MDN1: variants seen among roughly 807,000 people sequenced by gnomAD.
MDN1 encodes midasin.
A neutral mutation model predicts 669.2 loss-of-function variants in MDN1; 266 were observed. That is an observed-to-expected ratio of 0.40 (90% CI 0.36 to 0.44). The LOEUF is 0.44. Among genes scored for constraint, MDN1 ranks in the 20% least tolerant of loss-of-function variants. The pLI is 1.00. For missense variants in MDN1, 5,940 were observed against 6,754.0 expected, an observed-to-expected ratio of 0.88 and a Z score of 4.22; for synonymous variants, 2,385 against 2,457.1, an observed-to-expected ratio of 0.97 and a Z score of 0.87.
intron 100 of MDN1, 144 bp from the exon 101 acceptor site, chr6:89,645,301 G>T: frequency 1.2e-6 from 1 of 845,858 alleles, no homozygotes; most frequent in Non-Finnish European, 1.7e-6. Flanking sequence ...TGAATTCTGG[G>T]CACAAACCTA....
intron 44 of MDN1, among the ~76,000 whole-genome samples, chr6:89,716,301 T>C (rs1814365191): frequency 6.6e-6 from 1 of 152,218 alleles, no homozygotes; most frequent in Non-Finnish European, 1.5e-5. Context: ...CTGCCCTGTG[T>C]CAGACCCTGC....
intron 40 of MDN1, 46 bp downstream of exon 40, chr6:89,722,909 C>G (rs1414698643): frequency 6.6e-7 from 1 of 1,525,448 alleles, no homozygotes; most frequent in Non-Finnish European, 8.9e-7. Context: ...CACAGGAAAT[C>G]AACTTTCAGA....
chr6:89,751,313 G>A (rs1816933776), intron 23 of MDN1, 118 bp downstream of exon 23: 1 of 1,275,504 alleles, frequency 7.8e-7, no homozygotes, highest in Admixed American at 2.6e-5. Flanking sequence ...GTAAGTAATT[G>A]TTCAGTTGGC....
At position 89,793,856 on chromosome 6, in the gene MDN1, A is replaced by G. The variant is rs1819415749; in HGVS notation, c.761T>C (p.Leu254Ser). Residue 254 changes from leucine to serine, a missense_variant, in exon 5 of 102, where the codon TTA becomes TCA. Leu to Ser is a moderately radical substitution (Grantham distance 145). This residue lies in a region of MDN1 where 1,203 missense variants were observed against 1,268.9 expected (regional missense o/e 0.95). Transcript: ENST00000369393. ...LWRKQKELQYLQGHLVSSDLS... is the reference protein window; with the variant it reads ...LWRKQKELQYSQGHLVSSDLS... ...GTCAGACGAAACAAGATGTCCCTGT[A>G]AGTACTGCAGCTCCTTCTGCTTACG... 1 of 1,614,040 alleles carries G rather than the reference A, an allele frequency of 6.2e-7. No individual in the cohort carries two copies. Among genetic ancestry groups the G allele is most frequent in the Non-Finnish European group, 8.5e-7 (1 of 1,180,014 alleles).
At chr6:89,801,207 C>T (rs186992300) in intron 2 of MDN1, among the ~76,000 whole-genome samples, 140 of 152,096 alleles carry the variant, frequency 9.2e-4, no homozygotes, top group African/African-American at 3.3e-3. Context: ...ACCAGCCTGG[C>T]CAACATGGTG....
At position 89,740,224 on chromosome 6, in the gene MDN1, A is replaced by G. The variant is rs2128316759; in HGVS notation, c.4593+10T>C. 6.2e-7 allele frequency: 1 copy of G among 1,610,696 alleles called. No homozygotes were observed. Among genetic ancestry groups the G allele is most frequent in the East Asian group, 2.2e-5 (1 of 44,550 alleles). ...ACCTAGAAAGAAAATGTGCATCAGTAAAGTTTTACCTCCTTTTTTCCAAAG... is the reference window on the plus strand; with the variant it reads ...ACCTAGAAAGAAAATGTGCATCAGTGAAGTTTTACCTCCTTTTTTCCAAAG... On this transcript the variant is annotated intron_variant, in intron 32 of 101. Coordinates refer to ENST00000369393, the MANE Select transcript of MDN1 (RefSeq NM_014611.3).
At chr6:89,774,312 A>G (rs925302630) in intron 13 of MDN1, among the ~76,000 whole-genome samples, 2 of 152,232 alleles carry the variant, frequency 1.3e-5, no homozygotes, top group Non-Finnish European at 2.9e-5. Flanking sequence ...CTAGGAATTT[A>G]CAGACTAATG....
At chr6:89,801,483 T>C (rs1767655220) in intron 2 of MDN1, among the ~76,000 whole-genome samples, 1 of 152,120 alleles carries the variant, frequency 6.6e-6, no homozygotes, top group Non-Finnish European at 1.5e-5. Context: ...AAATCCCATC[T>C]CTACTAAAAA....
intron 12 of MDN1, 53 bp downstream of exon 12, chr6:89,776,547 G>A (rs1044822689): frequency 7.1e-7 from 1 of 1,398,616 alleles, no homozygotes; most frequent in Non-Finnish European, 1.0e-6. Flanking sequence ...AAGCAAGCAA[G>A]CAAAAAATCC....
Position 89,690,658 on chromosome 6 carries a change from C to T in MDN1, c.10749+15G>A, listed in dbSNP as rs758937560. On this transcript the variant is annotated intron_variant, in intron 64 of 101. Transcript: ENST00000369393. ...GGAATTCATTCCAAAACACACCCTGCCATCACTGCTCTACCTTTTCATGCA... is the reference window on the plus strand; with the variant it reads ...GGAATTCATTCCAAAACACACCCTGTCATCACTGCTCTACCTTTTCATGCA... The T allele has an allele frequency of 6.2e-7, 1 of 1,613,460 alleles. No homozygotes were observed. Among genetic ancestry groups the T allele is most frequent in the South Asian group, 1.1e-5 (1 of 90,936 alleles).
At chr6:89,675,300 G>T in intron 78 of MDN1, 164 bp downstream of exon 78, 1 of 605,492 alleles carries the variant, frequency 1.7e-6, no homozygotes, top group Non-Finnish European at 2.9e-6. Flanking sequence ...ATCACTGAAA[G>T]CAAGGGGCAG....
At position 89,794,547 on chromosome 6, in the gene MDN1, G is replaced by T; in HGVS notation, c.554+30C>A. ...CATGCCCTGTACCATCCCCACACTA[G>T]AAGTGCAAAAAAGTCTAACAGCTAC... On this transcript the variant is annotated intron_variant, in intron 3 of 101. Transcript: ENST00000369393. 1.3e-6 allele frequency: 2 copies of T among 1,596,120 alleles called. 1 individual carries two copies. The highest frequency in any genetic ancestry group is 2.2e-5 in the South Asian group (2 of 90,656).
chr6:89,804,246 T>C (rs1240808724), intron 1 of MDN1, among the ~76,000 whole-genome samples: 2 of 152,102 alleles, frequency 1.3e-5, no homozygotes, highest in African/African-American at 4.8e-5. Context: ...TTTGCACTGC[T>C]GTAGAAAAGC....
chr6:89,718,239 C>T (rs2128313073), intron 43 of MDN1, 127 bp downstream of exon 43: 1 of 1,110,636 alleles, frequency 9.0e-7, no homozygotes, highest in South Asian at 1.6e-5. Context: ...CTAGGTCAAA[C>T]TTTCCCACAA....
At position 89,678,590 on chromosome 6, in the gene MDN1, G is replaced by A. The variant is rs750004264; in HGVS notation, c.12412+9C>T. On this transcript the variant is annotated intron_variant, in intron 75 of 101. Transcript: ENST00000369393. Reference sequence around the variant, plus strand: ...CTACATTTCATTGGGTTTCAAGTGAGAACCTTACCAATTTTTGCAAGGTGT... The same window carrying A: ...CTACATTTCATTGGGTTTCAAGTGAAAACCTTACCAATTTTTGCAAGGTGT... 2 of 1,613,124 alleles carry A rather than the reference G, an allele frequency of 1.2e-6. No homozygotes were observed. Among genetic ancestry groups the A allele is most frequent in the South Asian group, 2.2e-5 (2 of 90,856 alleles).
chr6:89,722,961 T>G lies in MDN1; in HGVS notation c.5961A>C (p.Lys1987Asn). ...YGERMRTEED[K>N]KKVIAVFKDV... ...TACCAAGCGTGAAACTCACCTTTTT[T>G]TTGTCCTCTTCGGTTCTCATTCTTT... Residue 1987 changes from lysine (K) to asparagine (N), a missense_variant, in exon 40 of 102, where the codon AAA becomes AAC. This residue lies in a region of MDN1 where 2,292 missense variants were observed against 2,638.3 expected (regional missense o/e 0.87). Coordinates refer to ENST00000369393, the MANE Select transcript of MDN1 (RefSeq NM_014611.3). 1 of 1,607,322 alleles carries G rather than the reference T, an allele frequency of 6.2e-7. No individual in the cohort carries two copies. The highest frequency in any genetic ancestry group is 8.5e-7 in the Non-Finnish European group (1 of 1,177,250).
intron 84 of MDN1, among the ~76,000 whole-genome samples, 158 bp from the exon 85 acceptor site, chr6:89,664,786 C>A (rs1255752033): frequency 6.6e-6 from 1 of 151,838 alleles, no homozygotes; most frequent in Non-Finnish European, 1.5e-5. Flanking sequence ...TGTAAAATTT[C>A]TGGAGTTAGT....
Position 89,655,817 on chromosome 6 carries a change from T to A in MDN1, c.15437A>T (p.Asp5146Val). 1 of 1,613,966 alleles carries A rather than the reference T, an allele frequency of 6.2e-7. No individual in the cohort carries two copies. Among genetic ancestry groups the A allele is most frequent in the Non-Finnish European group, 8.5e-7 (1 of 1,179,976 alleles). ...QQPQAQVEDA[D>V]AFEHIKQGSD... ...GCCTTGTTTAATGTGCTCGAATGCA[T>A]CTGCATCCTCCACCTGGGCCTGGGG... is the stretch of plus-strand genomic sequence containing the variant. Residue 5146 changes from aspartate (D) to valine (V), a missense_variant, in exon 92 of 102, where the codon GAT becomes GTT. Coordinates refer to ENST00000369393, the MANE Select transcript of MDN1 (RefSeq NM_014611.3).
chr6:89,784,071 T>C (rs1818820321), intron 9 of MDN1, among the ~76,000 whole-genome samples: 1 of 152,016 alleles, frequency 6.6e-6, no homozygotes, highest in African/African-American at 2.4e-5. Flanking sequence ...GCCAACACTT[T>C]AGGAGGCCAA....
Sources: gnomAD v4.1 joint callset for allele counts (sites outside exome capture counted in the v4.1 genomes callset) on GRCh38, gnomAD v4.1.1 for gene constraint, gnomAD v4.1.1 regional missense constraint, MANE v1.5 for transcripts, NCBI Gene and HGNC (gene_info 2026-07-23, HGNC 2026-07-21) for gene names.